The following HERPUD1 variants were observed in gnomAD, a reference collection of about 807,000 sequenced individuals.
HERPUD1 encodes the protein homocysteine-responsive endoplasmic reticulum-resident ubiquitin-like domain member 1 protein.
A neutral mutation model predicts 45.0 loss-of-function variants in HERPUD1; 17 were observed. The ratio of observed to expected loss-of-function variants is 0.38; its 90% CI spans 0.26 to 0.57. The LOEUF is 0.57. HERPUD1 is among the 20% of genes least tolerant of loss of function. The pLI, the probability that HERPUD1 is intolerant of heterozygous loss-of-function variation, is 0.72. For synonymous variants in HERPUD1, 164 were observed against 177.5 expected (o/e 0.92, Z 0.61); for missense variants, 420 against 490.5 (o/e 0.86, Z 1.36).
Position 56,940,089 on chromosome 16 carries a change from G to GT in HERPUD1, c.750dup (p.Gly251TrpfsTer8), listed in dbSNP as rs1378257097. 2 of 1,614,122 alleles carry GT rather than the reference G, an allele frequency of 1.2e-6. No homozygotes were observed. Among genetic ancestry groups the GT allele is most frequent in the Non-Finnish European group, 1.7e-6 (2 of 1,180,054 alleles). On this transcript the variant is annotated frameshift_variant, in exon 6 of 8. Coordinates refer to ENST00000439977, the MANE Select transcript of HERPUD1 (RefSeq NM_014685.4). LOFTEE classifies it high-confidence loss of function. ...CAAAATTTGCGGATGAATGCACAAG[G>GT]TGGCCCTATTGTGGAAGAAGATGAT...
chr16:56,943,768 T>C lies in HERPUD1; in HGVS notation c.*478T>C, dbSNP rs2291955. ...GCAGGACTTTTCTAGGAAAGACTTA[T>C]GTATAATTGCTTTTTAAAATGCAGT... On this transcript the variant is annotated 3_prime_UTR_variant, in exon 8 of 8. Coordinates refer to ENST00000439977, the MANE Select transcript of HERPUD1 (RefSeq NM_014685.4). The C allele has an allele frequency of 5.9e-3, 1,397 of 237,914 alleles. 15 individuals carry two copies. Among genetic ancestry groups the C allele is most frequent in the East Asian group, 0.042 (683 of 16,122 alleles). The allele number at this position is 237,914 out of a possible 1,614,324, so 14.7% of individuals were successfully genotyped here.
intron 5 of HERPUD1, 94 bp downstream of exon 5, chr16:56,939,453 T>C: frequency 4.0e-6 from 6 of 1,491,372 alleles, no homozygotes; most frequent in Non-Finnish European, 5.5e-6. Flanking sequence ...AATGGAGGGA[T>C]GAGTGTATTT....
In HERPUD1 at chr16:56,943,186, G is replaced by C; in HGVS notation, c.1072G>C (p.Asp358His). Residue 358 changes from aspartate to histidine, a missense_variant, in exon 8 of 8, where the codon GAT becomes CAT. Physicochemically the swap from Asp to His is moderately conservative, Grantham distance 81. Transcript: ENST00000439977. ...CCTCCCTCCAGACAGGGATGTACTA[G>C]ATGGCGAGCAGACCAGCCCCTCCTT... Reference protein sequence around the residue: ...NHLPPDRDVLDGEQTSPSFMS... With the variant: ...NHLPPDRDVLHGEQTSPSFMS... 6.2e-7 allele frequency: 1 copy of C among 1,614,172 alleles called. No individual in the cohort carries two copies. Among genetic ancestry groups the C allele is most frequent in the Non-Finnish European group, 8.5e-7 (1 of 1,180,024 alleles).
At chr16:56,936,598 A>G in intron 3 of HERPUD1, 89 bp from the exon 4 acceptor site, 4 of 1,284,844 alleles carry the variant, frequency 3.1e-6, no homozygotes, top group Non-Finnish European at 4.1e-6. Context: ...TAGGAGATGT[A>G]AGCCCTTGAC....
At chr16:56,934,184 A>T (rs1472975868) in intron 1 of HERPUD1, among the ~76,000 whole-genome samples, 4 of 152,244 alleles carry the variant, frequency 2.6e-5, no homozygotes, top group Admixed American at 2.0e-4. Context: ...GATCTCCAAT[A>T]GACAGATTAT....
At chr16:56,941,918 T>G (rs1596983460) in intron 6 of HERPUD1, 3 of 506,030 alleles carry the variant, frequency 5.9e-6, no homozygotes. Context: ...TATGGCTGGG[T>G]GTGCAATGAT....
In HERPUD1 at chr16:56,943,224, A is replaced by G; in HGVS notation, c.1110A>G (p.Ala370=). The G allele has an allele frequency of 2.5e-6, 4 of 1,614,180 alleles. No homozygotes were observed. In the African/African-American group the frequency reaches 4.0e-5, roughly 16 times the overall value. ...CCAGCCCCTCCTTTATGAGCACAGCATGGCTTGTCTTCAAGACTTTCTTTG... is the reference window on the plus strand; with the variant it reads ...CCAGCCCCTCCTTTATGAGCACAGCGTGGCTTGTCTTCAAGACTTTCTTTG... ...EQTSPSFMST[A]WLVFKTFFAS... Residue 370 remains alanine (A), a synonymous_variant, in exon 8 of 8, where the codon GCA becomes GCG. Coordinates refer to ENST00000439977, the MANE Select transcript of HERPUD1 (RefSeq NM_014685.4).
Position 56,935,389 on chromosome 16 carries a change from T to C in HERPUD1, c.226-12T>C. ...AGGTTCAGGTCCTTAAGTACCTTCG[T>C]ATTACTTTTAGCAGGAAAAACGGCA... On this transcript the variant is annotated splice_polypyrimidine_tract_variant and intron_variant, in intron 2 of 7. Coordinates refer to ENST00000439977, the MANE Select transcript of HERPUD1 (RefSeq NM_014685.4). 6.2e-7 allele frequency: 1 copy of C among 1,614,006 alleles called. No homozygotes were observed. The highest frequency in any genetic ancestry group is 1.7e-5 in the Admixed American group (1 of 60,028).
intron 3 of HERPUD1, 132 bp downstream of exon 3, chr16:56,935,607 C>A: frequency 1.3e-6 from 1 of 756,390 alleles, no homozygotes; most frequent in Non-Finnish European, 2.2e-6. Context: ...TGTTTCTTTC[C>A]TAGGAATTAG....
chr16:56,934,702 CTTTTTTTTTTT>C (rs869088050), intron 1 of HERPUD1, among the ~76,000 whole-genome samples: 3 of 59,862 alleles, frequency 5.0e-5, no homozygotes, highest in Admixed American at 2.3e-4. Context: ...ATTTGCCATT[CTTTTTTTTTTT>C]TTTTTTTTTT....
At chr16:56,938,323 G>C (rs1265792814) in intron 4 of HERPUD1, among the ~76,000 whole-genome samples, 1 of 152,166 alleles carries the variant, frequency 6.6e-6, no homozygotes, top group Non-Finnish European at 1.5e-5. Flanking sequence ...CAGCACTTTG[G>C]GAGGCCAAGG....
intron 6 of HERPUD1, chr16:56,940,451 C>T (rs1039843190): frequency 5.6e-5 from 29 of 521,650 alleles, no homozygotes; most frequent in Admixed American, 1.4e-4. Context: ...GGATTACAGG[C>T]GCCCACCACC....
chr16:56,932,322 G>A lies in HERPUD1; in HGVS notation c.78G>A (p.Leu26=). 4 of 1,606,334 alleles carry A rather than the reference G, an allele frequency of 2.5e-6. No individual in the cohort carries two copies. The highest frequency in any genetic ancestry group is 3.4e-6 in the Non-Finnish European group (4 of 1,178,418). ...SPNQRHRDLE[L]SGDRGWSVGH... ...ACCAGCGCCACCGCGACTTGGAGCT[G>A]AGTGGCGACCGCGGCTGGAGTGTGG... The change falls in exon 1 of 8, where the codon CTG becomes CTA. Residue 26 remains leucine, a synonymous_variant. Coordinates refer to ENST00000439977, the MANE Select transcript of HERPUD1 (RefSeq NM_014685.4).
chr16:56,938,769 T>A (rs2055886360), intron 4 of HERPUD1, among the ~76,000 whole-genome samples: 1 of 152,120 alleles, frequency 6.6e-6, no homozygotes, highest in Non-Finnish European at 1.5e-5. Flanking sequence ...GCACAGGTGA[T>A]ACCACATGCA....
rs764793482 is a variant in HERPUD1 at position 56,936,681 on chromosome 16, A to G, written c.301-6A>G. The G allele has an allele frequency of 1.2e-6, 2 of 1,611,488 alleles. No individual in the cohort carries two copies. The highest frequency in any genetic ancestry group is 1.7e-6 in the Non-Finnish European group (2 of 1,178,538). On this transcript the variant is annotated splice_polypyrimidine_tract_variant and splice_region_variant and intron_variant, in intron 3 of 7. Transcript: ENST00000439977. ...TTTGTTCTGTGTTCATGTTACACTT[A>G]TTTAGGTGGCTGAATCCACAGAGGA...
At position 56,942,978 on chromosome 16, in the gene HERPUD1, C is replaced by A. The variant is rs905541335; in HGVS notation, c.1012-148C>A. 49 of 744,944 alleles carry A rather than the reference C, an allele frequency of 6.6e-5. 1 individual carries two copies. In the East Asian group the frequency reaches 1.2e-3, roughly 18 times the overall value. 46.1% of individuals were successfully genotyped at this position (744,944 alleles called of 1,614,324 possible). Reference sequence around the variant, plus strand: ...AACAGCCCTATCCAGCCTAGGGCATCATTCCCTGGGGTCCTGGCTGCCTGC... The same window carrying A: ...AACAGCCCTATCCAGCCTAGGGCATAATTCCCTGGGGTCCTGGCTGCCTGC... On this transcript the variant is annotated intron_variant, in intron 7 of 7. Coordinates refer to ENST00000439977, the MANE Select transcript of HERPUD1 (RefSeq NM_014685.4).
At chr16:56,935,364 A>G in intron 2 of HERPUD1, 37 bp from the exon 3 acceptor site, 2 of 1,611,302 alleles carry the variant, frequency 1.2e-6, no homozygotes, top group South Asian at 2.2e-5. Context: ...TCACCAGGTT[A>G]GGTTCAGGTC....
rs747328425 is a variant in HERPUD1 at position 56,932,146 on chromosome 16, C to G, written c.-99C>G. On this transcript the variant is annotated 5_prime_UTR_variant, in exon 1 of 8. Transcript: ENST00000439977. ...GCGCCCGAAGCGGGGGCGCGCGCCCCAGAGACGTGAACTGTCGTTGCAGAG... is the reference window on the plus strand; with the variant it reads ...GCGCCCGAAGCGGGGGCGCGCGCCCGAGAGACGTGAACTGTCGTTGCAGAG... 2.3e-5 allele frequency: 36 copies of G among 1,543,178 alleles called. No individual in the cohort carries two copies. The highest frequency in any genetic ancestry group is 3.0e-5 in the Non-Finnish European group (34 of 1,151,020).
In HERPUD1 at chr16:56,943,188, T is replaced by C; in HGVS notation, c.1074T>C (p.Asp358=). 1.2e-6 allele frequency: 2 copies of C among 1,614,208 alleles called. No homozygotes were observed. The highest frequency in any genetic ancestry group is 1.1e-5 in the South Asian group (1 of 91,086). The change falls in exon 8 of 8, where the codon GAT becomes GAC. Residue 358 remains aspartate, a synonymous_variant. Coordinates refer to ENST00000439977, the MANE Select transcript of HERPUD1 (RefSeq NM_014685.4). The part of the protein sequence containing the change: ...NHLPPDRDVL[D]GEQTSPSFMS... ...TCCCTCCAGACAGGGATGTACTAGA[T>C]GGCGAGCAGACCAGCCCCTCCTTTA...
Sources: gnomAD v4.1 joint callset for allele counts (sites outside exome capture counted in the v4.1 genomes callset) on GRCh38, gnomAD v4.1.1 for gene constraint, MANE v1.5 for transcripts, NCBI Gene and HGNC (gene_info 2026-07-23, HGNC 2026-07-21) for gene names.